The following ARID1B variants were observed in gnomAD, a reference collection of about 807,000 sequenced individuals.
The protein encoded by ARID1B is AT-rich interaction domain 1B.
ARID1B carries 30 observed loss-of-function variants against 212.3 expected under a neutral mutation model. The ratio of observed to expected loss-of-function variants is 0.14; its 90% CI spans 0.11 to 0.19. The LOEUF is 0.19. Ranked by LOEUF, ARID1B falls within the 10% of genes least tolerant of loss-of-function variation. ARID1B has a pLI of 1.00. For synonymous variants in ARID1B, 1,402 were observed against 1,301.7 expected, an observed-to-expected ratio of 1.08 and a Z score of -1.66; for missense variants, 2,891 against 3,204.0, an observed-to-expected ratio of 0.90 and a Z score of 2.36.
At chr6:156,850,080 G>A (rs1310653511) in intron 2 of ARID1B, among the ~76,000 whole-genome samples, 4 of 149,620 alleles carry the variant, frequency 2.7e-5, no homozygotes, top group African/African-American at 9.9e-5. Context: ...GCCCAGCCCC[G>A]GGAGAGCATA....
intron 2 of ARID1B, among the ~76,000 whole-genome samples, chr6:156,888,941 T>C (rs1440924348): frequency 6.6e-6 from 1 of 152,226 alleles, no homozygotes; most frequent in South Asian, 2.1e-4. Context: ...ATGCAAATAT[T>C]GATACCCTAG....
chr6:156,947,865 G>C (rs1191456112), intron 4 of ARID1B, among the ~76,000 whole-genome samples: 1 of 152,104 alleles, frequency 6.6e-6, no homozygotes, highest in Non-Finnish European at 1.5e-5. Flanking sequence ...TAAAATTAAT[G>C]ATTTCTTAAC....
At chr6:156,784,979 C>T (rs887633943) in intron 1 of ARID1B, among the ~76,000 whole-genome samples, 5 of 152,080 alleles carry the variant, frequency 3.3e-5, no homozygotes, top group Admixed American at 1.3e-4. Context: ...AGGCTGGTCT[C>T]GAACTCCTGA....
chr6:157,057,418 G>T (rs1033638139), intron 4 of ARID1B, among the ~76,000 whole-genome samples: 7 of 138,154 alleles, frequency 5.1e-5, no homozygotes, highest in South Asian at 4.4e-4. Context: ...ATGTTTGCAG[G>T]TATATATGTA....
intron 4 of ARID1B, among the ~76,000 whole-genome samples, chr6:157,057,619 G>A (rs1176247742): frequency 6.6e-6 from 1 of 152,120 alleles, no homozygotes; most frequent in East Asian, 1.9e-4. Context: ...TGCTAACACT[G>A]ATTCCTTTCA....
chr6:157,179,287 T>C (rs1309170112), intron 11 of ARID1B, among the ~76,000 whole-genome samples: 1 of 152,166 alleles, frequency 6.6e-6, no homozygotes, highest in Non-Finnish European at 1.5e-5. Flanking sequence ...TTAATAACTG[T>C]CCCATTAATG....
At chr6:156,880,475 C>T (rs998444608) in intron 2 of ARID1B, among the ~76,000 whole-genome samples, 5 of 152,094 alleles carry the variant, frequency 3.3e-5, no homozygotes, top group African/African-American at 9.7e-5. Flanking sequence ...CAGTGGCTCA[C>T]GCCTGTAATC....
intron 4 of ARID1B, among the ~76,000 whole-genome samples, chr6:157,075,339 T>G (rs534160516): frequency 1.3e-5 from 2 of 152,360 alleles, no homozygotes; most frequent in Admixed American, 6.5e-5. Flanking sequence ...GCTAATCATG[T>G]AAAAAGTTTC....
intron 5 of ARID1B, among the ~76,000 whole-genome samples, chr6:157,098,048 C>A (rs1583302051): frequency 6.6e-6 from 1 of 151,868 alleles, no homozygotes. Context: ...TCAGAGGCAG[C>A]CAAATATTAA....
intron 8 of ARID1B, chr6:157,149,823 G>T (rs1213755068): frequency 2.6e-5 from 4 of 152,172 alleles, no homozygotes; most frequent in African/African-American, 9.7e-5. Flanking sequence ...GTGCGTGTGT[G>T]CATGTGTGTG....
At chr6:156,966,550 C>A (rs111373134) in intron 4 of ARID1B, among the ~76,000 whole-genome samples, 1 of 151,370 alleles carries the variant, frequency 6.6e-6, no homozygotes, top group Non-Finnish European at 1.5e-5. Flanking sequence ...CCTGCTACCA[C>A]GTCCGGCTAA....
At chr6:157,196,344 T>C in intron 16 of ARID1B, 29 bp downstream of exon 16, 2 of 1,579,700 alleles carry the variant, frequency 1.3e-6, no homozygotes, top group Non-Finnish European at 1.7e-6. Flanking sequence ...GACAATATGA[T>C]GATTTACTAG....
chr6:156,920,236 G>A (rs1790675135), intron 3 of ARID1B, among the ~76,000 whole-genome samples: 1 of 152,220 alleles, frequency 6.6e-6, no homozygotes. Flanking sequence ...CTGATACCCT[G>A]CTCCTGCCCC....
chr6:156,878,351 G>A (rs558899696), intron 2 of ARID1B, among the ~76,000 whole-genome samples: 2 of 152,296 alleles, frequency 1.3e-5, no homozygotes, highest in African/African-American at 4.8e-5. Context: ...GAACAAGGGA[G>A]ACCACACCAT....
intron 4 of ARID1B, among the ~76,000 whole-genome samples, chr6:156,994,720 G>A (rs1441860324): frequency 3.3e-5 from 5 of 152,198 alleles, no homozygotes; most frequent in Non-Finnish European, 4.4e-5. Context: ...GTGACATTTA[G>A]TAACCTGTCC....
intron 4 of ARID1B, among the ~76,000 whole-genome samples, chr6:156,999,484 A>G (rs1778790886): frequency 6.6e-6 from 1 of 152,248 alleles, no homozygotes; most frequent in Non-Finnish European, 1.5e-5. Flanking sequence ...TGCAGTCAGC[A>G]AATACAAAAC....
Position 157,203,349 on chromosome 6 carries a change from G to C in ARID1B, c.5264-517G>C, listed in dbSNP as rs370925502. 7.9e-5 allele frequency among the ~76,000 whole-genome samples: 12 copies of C among 152,354 alleles called. 2 individuals carry two copies. The highest frequency in any genetic ancestry group is 2.9e-4 in the African/African-American group (12 of 41,580). ...GCATGTTCTGAGGGCAGGAGCACAG[G>C]ACTAGAGGAAAGCAGCCTGGGAAGC... On this transcript the variant is annotated intron_variant, in intron 18 of 19. Coordinates refer to ENST00000636930, the MANE Select transcript of ARID1B (RefSeq NM_001374828.1). The surrounding 1 kb of genome is among the most constrained non-coding windows in gnomAD (Gnocchi z 4.4).
At chr6:157,033,506 T>TTGAAAG (rs1192290755) in intron 4 of ARID1B, among the ~76,000 whole-genome samples, 1 of 152,210 alleles carries the variant, frequency 6.6e-6, no homozygotes, top group East Asian at 1.9e-4. Context: ...AAAAAGGACG[T>TTGAAAG]TGAAAGTGAA....
chr6:157,144,102 A>G (rs1297352570), intron 7 of ARID1B, among the ~76,000 whole-genome samples: 1 of 152,222 alleles, frequency 6.6e-6, no homozygotes, highest in African/African-American at 2.4e-5. Context: ...TCTCTTTAGT[A>G]TATAACATGA....
Sources: allele counts gnomAD v4.1 joint callset (sites outside exome capture counted in the v4.1 genomes callset), GRCh38; gene constraint gnomAD v4.1.1; non-coding constraint Gnocchi (gnomAD v3.1); transcripts MANE v1.5; gene names NCBI Gene and HGNC (gene_info 2026-07-23, HGNC 2026-07-21).